TENT2: variants seen among roughly 807,000 people sequenced by gnomAD.
TENT2 encodes terminal nucleotidyltransferase 2, also known as poly(A) RNA polymerase GLD2.
A neutral mutation model predicts 72.2 loss-of-function variants in TENT2; 44 were observed. The ratio of observed to expected loss-of-function variants is 0.61; its 90% CI spans 0.48 to 0.78. The LOEUF (loss-of-function observed/expected upper bound fraction) is 0.78. Among genes scored for constraint, TENT2 ranks in the 30% least tolerant of loss-of-function variants. TENT2 has a pLI of 0.00. For missense variants in TENT2, 541 were observed against 569.6 expected, an observed-to-expected ratio of 0.95 and a Z score of 0.51; for synonymous variants, 212 against 192.5, an observed-to-expected ratio of 1.10 and a Z score of -0.84.
rs899320703 is a variant in TENT2 at position 79,612,690 on chromosome 5, A to C, written c.-423A>C. ...TTTGGTTCGGGAGAAAGCTACGACC[A>C]AGTACGCCCAGCTCGGGCCTTAGAA... On this transcript the variant is annotated 5_prime_UTR_variant, in exon 1 of 15. Coordinates refer to ENST00000453514, the MANE Select transcript of TENT2 (RefSeq NM_001114394.3). The C allele has an allele frequency of 1.3e-5, 2 of 152,704 alleles. No homozygotes were observed. Among genetic ancestry groups the C allele is most frequent in the Non-Finnish European group, 1.5e-5 (1 of 68,152 alleles). The allele number at this position is 152,704 out of a possible 1,614,324, so 9.5% of individuals were successfully genotyped here.
chr5:79,682,091 A>G, intron 14 of TENT2, 30 bp downstream of exon 14: 1 of 1,501,438 alleles, frequency 6.7e-7, no homozygotes, highest in Non-Finnish European at 9.2e-7. Flanking sequence ...AACCCTAGAA[A>G]CATTAGTAGA....
chr5:79,623,679 G>A lies in TENT2; in HGVS notation c.465+190G>A, dbSNP rs186383312. ...TTGTTAGCTATTCTTTTATAGAAAT[G>A]CAGCCATCAGGAAATCAGATTTTCC... On this transcript the variant is annotated intron_variant, in intron 4 of 14. Transcript: ENST00000453514. The A allele has an allele frequency of 2.1e-3, 855 of 408,116 alleles. 7 individuals carry two copies. Among genetic ancestry groups the A allele is most frequent in the African/African-American group, 0.014 (659 of 48,456 alleles). 25.3% of individuals were successfully genotyped at this position (408,116 alleles called of 1,614,324 possible). A position where few individuals can be genotyped will look rare whatever the true frequency, so the allele number is the denominator to read the frequency against.
At chr5:79,666,920 C>G (rs943974761) in intron 11 of TENT2, among the ~76,000 whole-genome samples, 1 of 152,090 alleles carries the variant, frequency 6.6e-6, no homozygotes, top group African/African-American at 2.4e-5. Context: ...TGGTAGCTGC[C>G]TTTAGGTGTC....
In TENT2 at chr5:79,623,261, C is replaced by T. The variant is rs142791960; in HGVS notation, c.237C>T (p.Ser79=). Residue 79 remains serine (S), a synonymous_variant, in exon 4 of 15, where the codon AGC becomes AGT. Transcript: ENST00000453514. ...TATTGCTTGTTTTCAGGAGATTAAG[C>T]GATGAAAAAAACCTTCCTCTTGACG... ...SPLFRGRKRL[S]DEKNLPLDGK... 17 of 1,610,150 alleles carry T rather than the reference C, an allele frequency of 1.1e-5. No individual in the cohort carries two copies. The highest frequency in any genetic ancestry group is 1.7e-4 in the Middle Eastern group (1 of 6,058).
At chr5:79,652,531 G>C (rs1794956175) in intron 10 of TENT2, among the ~76,000 whole-genome samples, 1 of 151,888 alleles carries the variant, frequency 6.6e-6, no homozygotes, top group Admixed American at 6.6e-5. Flanking sequence ...TTTTCCTTTG[G>C]ATGCTGGTCT....
chr5:79,677,172 T>A (rs1817922923), intron 12 of TENT2, among the ~76,000 whole-genome samples: 1 of 152,250 alleles, frequency 6.6e-6, no homozygotes, highest in Non-Finnish European at 1.5e-5. Context: ...AAAAGTTCTT[T>A]GAAAATGCAG....
Position 79,648,644 on chromosome 5 carries a change from C to T in TENT2, c.849C>T (p.Asn283=). 6.3e-7 allele frequency: 1 copy of T among 1,592,314 alleles called. No homozygotes were observed. The highest frequency in any genetic ancestry group is 8.6e-7 in the Non-Finnish European group (1 of 1,167,858). ...VSCVEFDLNV[N]NIVGIRNTFL... is the part of the protein sequence containing the mutation. ...GTGTGGAGTTTGACTTGAATGTAAA[C>T]AATATTGTTGGAATAAGAAACACAT... The change falls in exon 9 of 15, where the codon AAC becomes AAT. Residue 283 remains asparagine, a synonymous_variant. Transcript: ENST00000453514.
chr5:79,659,558 ATATATATATATATATATATATAT>A, intron 11 of TENT2, among the ~76,000 whole-genome samples: 1 of 52,294 alleles, frequency 1.9e-5, no homozygotes, highest in Non-Finnish European at 3.5e-5. Context: ...AAAAAAATGT[ATATATATATATATATATATATAT>A]ATATATATAT....
chr5:79,667,945 T>TA (rs1561568560), intron 11 of TENT2, among the ~76,000 whole-genome samples: 1 of 150,016 alleles, frequency 6.7e-6, no homozygotes, highest in African/African-American at 2.5e-5. Flanking sequence ...TTTTTTTTTT[T>TA]AACGAAAAAA....
chr5:79,627,385 G>A (rs1407216535), intron 4 of TENT2, among the ~76,000 whole-genome samples: 2 of 152,050 alleles, frequency 1.3e-5, no homozygotes, highest in African/African-American at 4.8e-5. Context: ...GTTCTGTATC[G>A]ATAACATTTT....
chr5:79,669,147 T>A, intron 12 of TENT2, 119 bp downstream of exon 12: 1 of 1,247,070 alleles, frequency 8.0e-7, no homozygotes, highest in Non-Finnish European at 1.1e-6. Context: ...GCTGTGTTTG[T>A]CACTTCCAGT....
At chr5:79,621,436 A>G (rs1257142449) in intron 3 of TENT2, among the ~76,000 whole-genome samples, 1 of 152,168 alleles carries the variant, frequency 6.6e-6, no homozygotes, top group East Asian at 1.9e-4. Context: ...AATTGCCTTT[A>G]TAGCCAATTT....
chr5:79,626,145 A>G (rs1462703080), intron 4 of TENT2, among the ~76,000 whole-genome samples: 1 of 150,476 alleles, frequency 6.6e-6, no homozygotes, highest in Non-Finnish European at 1.5e-5. Context: ...GTATTTTAAA[A>G]AACTTTAGAG....
intron 10 of TENT2, among the ~76,000 whole-genome samples, chr5:79,656,368 T>C (rs1797981400): frequency 1.3e-5 from 2 of 151,970 alleles, no homozygotes; most frequent in East Asian, 1.9e-4. Context: ...TTTCTGACTT[T>C]TGCTGAGCAT....
chr5:79,638,633 G>C (rs139562356), intron 4 of TENT2, among the ~76,000 whole-genome samples: 28 of 152,228 alleles, frequency 1.8e-4, no homozygotes, highest in African/African-American at 6.7e-4. Flanking sequence ...TAAGCAATTT[G>C]ATTTCTGCAT....
At chr5:79,614,309 G>A (rs62364124) in intron 1 of TENT2, among the ~76,000 whole-genome samples, 18,885 of 151,806 alleles carry the variant, frequency 0.12, 1,841 homozygotes, top group African/African-American at 0.27. Flanking sequence ...CACCATGTTG[G>A]CCAGGCTGGT....
rs755309543 is a variant in TENT2, at chr5:79,623,390, T to A, written c.366T>A (p.His122Gln). Residue 122 changes from histidine (H) to glutamine (Q), a missense_variant, in exon 4 of 15, where the codon CAT becomes CAA. Coordinates refer to ENST00000453514, the MANE Select transcript of TENT2 (RefSeq NM_001114394.3). Reference sequence around the variant, plus strand: ...GATACTCAATGCCACCATTGTTTCATACACATTATGTACCAGATATAGTCA... The same window carrying A: ...GATACTCAATGCCACCATTGTTTCAAACACATTATGTACCAGATATAGTCA... ...ERRYSMPPLF[H>Q]THYVPDIVRC... The A allele has an allele frequency of 6.2e-7, 1 of 1,613,648 alleles. No individual in the cohort carries two copies. Among genetic ancestry groups the A allele is most frequent in the South Asian group, 1.1e-5 (1 of 91,038 alleles).
chr5:79,673,932 A>C (rs1233161416), intron 12 of TENT2, among the ~76,000 whole-genome samples: 1 of 152,210 alleles, frequency 6.6e-6, no homozygotes, highest in Non-Finnish European at 1.5e-5. Flanking sequence ...CTCTAATGTT[A>C]AGAAGTTTAC....
At chr5:79,636,921 C>A (rs915390970) in intron 4 of TENT2, among the ~76,000 whole-genome samples, 10 of 152,048 alleles carry the variant, frequency 6.6e-5, no homozygotes, top group African/African-American at 2.4e-4. Flanking sequence ...AGTGAATTAT[C>A]TTTTTAGAAA....
Sources: allele counts gnomAD v4.1 joint callset (sites outside exome capture counted in the v4.1 genomes callset), GRCh38; gene constraint gnomAD v4.1.1; transcripts MANE v1.5; gene names NCBI Gene and HGNC (gene_info 2026-07-23, HGNC 2026-07-21).